Variants in LMOD1 observed in about 807,000 individuals in gnomAD.
LMOD1 encodes the protein leiomodin 1, also known as leiomodin-1.
In LMOD1, 8 loss-of-function variants were observed where a neutral mutation model predicts 36.5. That is an observed-to-expected ratio of 0.22 (90% CI 0.13 to 0.40). The LOEUF (loss-of-function observed/expected upper bound fraction) is 0.40, where lower values mean the gene tolerates loss of function less well. Among genes scored for constraint, LMOD1 ranks in the 10% least tolerant of loss-of-function variants. LMOD1 has a pLI of 1.00. For missense variants in LMOD1, 630 were observed against 751.1 expected, an observed-to-expected ratio of 0.84 and a Z score of 1.88; for synonymous variants, 284 against 288.7, an observed-to-expected ratio of 0.98 and a Z score of 0.17.
intron 1 of LMOD1, among the ~76,000 whole-genome samples, chr1:201,919,674 G>A (rs964578325): frequency 4.6e-5 from 7 of 152,208 alleles, no homozygotes; most frequent in Non-Finnish European, 8.8e-5. Flanking sequence ...TCATCTGTTA[G>A]ACTAAGCCTG....
intron 1 of LMOD1, among the ~76,000 whole-genome samples, chr1:201,924,665 A>AAAG (rs1487505172): frequency 2.2e-4 from 28 of 130,190 alleles, no homozygotes; most frequent in African/African-American, 6.2e-4. Context: ...AGAAAGAAAA[A>AAAG]AAAGAAAGAA....
chr1:201,923,985 A>G (rs748756844), intron 1 of LMOD1, among the ~76,000 whole-genome samples: 28 of 151,530 alleles, frequency 1.8e-4, no homozygotes, highest in Non-Finnish European at 3.7e-4. Flanking sequence ...GAAAAGAAAG[A>G]AAAAGAAAAG....
intron 1 of LMOD1, among the ~76,000 whole-genome samples, chr1:201,915,842 T>A (rs1681600104): frequency 6.6e-6 from 1 of 152,056 alleles, no homozygotes; most frequent in Non-Finnish European, 1.5e-5. Context: ...GCTGACCTCC[T>A]CCAGGGCGAT....
chr1:201,940,378 G>T (rs915952924), intron 1 of LMOD1, among the ~76,000 whole-genome samples: 1 of 151,144 alleles, frequency 6.6e-6, no homozygotes, highest in Admixed American at 6.6e-5. Context: ...GTAGAGATGG[G>T]GTTTTACCAT....
intron 1 of LMOD1, among the ~76,000 whole-genome samples, chr1:201,938,786 GT>G (rs1682063988): frequency 6.6e-6 from 1 of 152,204 alleles, no homozygotes; most frequent in Admixed American, 6.5e-5. Context: ...CTAGCTGTTT[GT>G]AAACAGCATC....
At chr1:201,937,458 CA>C (rs201145064) in intron 1 of LMOD1, among the ~76,000 whole-genome samples, 4 of 147,688 alleles carry the variant, frequency 2.7e-5, no homozygotes, top group African/African-American at 1.0e-4. Flanking sequence ...AACAAACAAA[CA>C]AAAAAAAACA....
chr1:201,924,738 G>T (rs1450534457), intron 1 of LMOD1, among the ~76,000 whole-genome samples: 1 of 151,556 alleles, frequency 6.6e-6, no homozygotes, highest in Non-Finnish European at 1.5e-5. Context: ...AGAAAAGAAA[G>T]AAATAGCCAG....
chr1:201,933,017 T>C (rs1681952346), intron 1 of LMOD1, among the ~76,000 whole-genome samples: 1 of 152,166 alleles, frequency 6.6e-6, no homozygotes, highest in Non-Finnish European at 1.5e-5. Context: ...GCATTGTTTG[T>C]AATAGTCCCA....
chr1:201,945,397 C>T (rs935914646), intron 1 of LMOD1, among the ~76,000 whole-genome samples: 24 of 152,168 alleles, frequency 1.6e-4, no homozygotes, highest in African/African-American at 4.6e-4. Flanking sequence ...AGGGCATGCT[C>T]CCTCCAGAGG....
intron 1 of LMOD1, among the ~76,000 whole-genome samples, chr1:201,919,820 T>G (rs902547323): frequency 2.0e-5 from 3 of 152,088 alleles, no homozygotes; most frequent in Non-Finnish European, 4.4e-5. Context: ...CAGGGCAGAC[T>G]CCAGGGCAGA....
chr1:201,922,510 C>A (rs1265455394), intron 1 of LMOD1, among the ~76,000 whole-genome samples: 1 of 152,058 alleles, frequency 6.6e-6, no homozygotes, highest in Non-Finnish European at 1.5e-5. Flanking sequence ...TCCATGTACA[C>A]AAAATGTCCA....
At position 201,900,286 on chromosome 1, in the gene LMOD1, C is replaced by T. The variant is rs909800024; in HGVS notation, c.727G>A (p.Gly243Ser). ...RKEGEKMKRA[G>S]GNTDMKKEDE... The stretch of plus-strand genomic sequence containing the variant: ...TCCTTTTTCATGTCTGTGTTCCCAC[C>T]TGCTCTTTTCATCTTCTCACCCTCT... Residue 243 changes from glycine (G) to serine (S), a missense_variant, in exon 2 of 3, where the codon GGT becomes AGT. Coordinates refer to ENST00000367288, the MANE Select transcript of LMOD1 (RefSeq NM_012134.3). The T allele has an allele frequency of 2.5e-6, 4 of 1,610,102 alleles. No homozygotes were observed. The African/African-American group carries it at 5.3e-5, about 22-fold the overall frequency.
intron 1 of LMOD1, among the ~76,000 whole-genome samples, chr1:201,939,483 G>T (rs1682078004): frequency 1.3e-5 from 2 of 152,284 alleles, no homozygotes; most frequent in South Asian, 4.2e-4. Context: ...ATTCAAACCT[G>T]GACCTATCTG....
chr1:201,923,995 G>GAAAGAAAGAGAAAAGAAAGAAAAAGA, intron 1 of LMOD1, among the ~76,000 whole-genome samples: 1 of 150,616 alleles, frequency 6.6e-6, no homozygotes, highest in Admixed American at 6.6e-5. Context: ...AAAAAGAAAA[G>GAAAGAAAGAGAAAAGAAAGAAAAAGA]AAAGAAAGAG....
Position 201,899,942 on chromosome 1 carries a change from G to A in LMOD1, c.1071C>T (p.Phe357=). Residue 357 remains phenylalanine (F), a synonymous_variant, in exon 2 of 3, where the codon TTC becomes TTT. Coordinates refer to ENST00000367288, the MANE Select transcript of LMOD1 (RefSeq NM_012134.3). The surrounding 1 kb of genome is among the most constrained non-coding windows in gnomAD (Gnocchi z 6.3). ...AGGCGAACAGCTTAACCACAGTGTT[G>A]AACTCCAGAGCCTCAGTAAACCGGA... ...ILVRFTEALE[F]NTVVKLFALA... The A allele has an allele frequency of 6.2e-7, 1 of 1,613,952 alleles. No homozygotes were observed.
At chr1:201,904,780 G>A (rs921201870) in intron 1 of LMOD1, among the ~76,000 whole-genome samples, 7 of 152,340 alleles carry the variant, frequency 4.6e-5, no homozygotes, top group Non-Finnish European at 8.8e-5. Context: ...GCTTGTTGCC[G>A]CTTGTGTAGC....
In LMOD1 at chr1:201,900,399, T is replaced by A; in HGVS notation, c.614A>T (p.Asp205Val). The A allele has an allele frequency of 6.4e-7, 1 of 1,564,772 alleles. No homozygotes were observed. The highest frequency in any genetic ancestry group is 8.7e-7 in the Non-Finnish European group (1 of 1,153,898). ...CTCCTTCATCTCCTCTCTCTTTTTA[T>A]CCTTGTCCCTGCTCAAGCCTGTGTT... The part of the protein sequence containing the change: ...DRNTGLSRDK[D>V]KKREEMKEVA... The change falls in exon 2 of 3, where the codon GAT (aspartate) becomes GTT (valine). Residue 205 changes from aspartate to valine, a missense_variant. Transcript: ENST00000367288.
At chr1:201,929,874 G>T (rs1558241873) in intron 1 of LMOD1, among the ~76,000 whole-genome samples, 1 of 152,166 alleles carries the variant, frequency 6.6e-6, no homozygotes, top group Non-Finnish European at 1.5e-5. Flanking sequence ...GGAACAGGAG[G>T]TGCCAGAACT....
chr1:201,907,930 G>A (rs1397268164), intron 1 of LMOD1, among the ~76,000 whole-genome samples: 3 of 152,192 alleles, frequency 2.0e-5, no homozygotes, highest in Non-Finnish European at 4.4e-5. Context: ...TGGCCGACCA[G>A]GGGACAAGTT....
Sources: gnomAD v4.1 joint callset for allele counts (sites outside exome capture counted in the v4.1 genomes callset) on GRCh38, gnomAD v4.1.1 for gene constraint, Gnocchi (gnomAD v3.1) non-coding constraint, MANE v1.5 for transcripts, NCBI Gene and HGNC (gene_info 2026-07-23, HGNC 2026-07-21) for gene names.